Variants in SNX29 observed in about 807,000 individuals in gnomAD.
The protein encoded by SNX29 is sorting nexin-29.
In SNX29, 78 loss-of-function variants were observed where a neutral mutation model predicts 102.1. The ratio of observed to expected loss-of-function variants is 0.76; its 90% CI spans 0.64 to 0.92. The LOEUF (loss-of-function observed/expected upper bound fraction) is 0.92. Ranked by LOEUF, SNX29 falls within the 40% of genes least tolerant of loss-of-function variation. The probability of loss-of-function intolerance (pLI) is 0.00; values close to 1 mark genes in which losing one functional copy is unlikely to be tolerated. For missense variants in SNX29, 1,280 were observed against 1,061.7 expected, an observed-to-expected ratio of 1.21 and a Z score of -2.86; for synonymous variants, 580 against 414.5, an observed-to-expected ratio of 1.40 and a Z score of -4.85.
chr16:12,471,727 A>G (rs1326648360), intron 18 of SNX29, among the ~76,000 whole-genome samples: 1 of 152,264 alleles, frequency 6.6e-6, no homozygotes. Flanking sequence ...CAGGATTAAC[A>G]TAAAATACAA....
At chr16:12,369,924 T>A (rs1161049276) in intron 16 of SNX29, among the ~76,000 whole-genome samples, 2 of 152,174 alleles carry the variant, frequency 1.3e-5, no homozygotes, top group African/African-American at 4.8e-5. Context: ...TTTGAAAAAA[T>A]CTTTCTTTGA....
At chr16:12,492,393 T>G (rs2088596314) in intron 19 of SNX29, among the ~76,000 whole-genome samples, 1 of 152,244 alleles carries the variant, frequency 6.6e-6, no homozygotes, top group South Asian at 2.1e-4. Context: ...TTTTTTCTTG[T>G]AAATTTGTTT....
chr16:12,380,971 C>T (rs2083096573), intron 16 of SNX29, among the ~76,000 whole-genome samples: 1 of 109,122 alleles, frequency 9.2e-6, no homozygotes, highest in Non-Finnish European at 1.9e-5. Flanking sequence ...CAATTTCATC[C>T]ACCCACCATC....
intron 14 of SNX29, among the ~76,000 whole-genome samples, chr16:12,230,227 C>G (rs2077729158): frequency 6.6e-6 from 1 of 152,242 alleles, no homozygotes; most frequent in Non-Finnish European, 1.5e-5. Flanking sequence ...GCTTCTGAAG[C>G]TGGTCCTTGG....
At position 12,571,354 on chromosome 16, in the gene SNX29, A is replaced by T. The variant is rs906972724; in HGVS notation, c.*2725A>T. On this transcript the variant is annotated 3_prime_UTR_variant, in exon 21 of 21. Coordinates refer to ENST00000566228, the MANE Select transcript of SNX29 (RefSeq NM_032167.5). ...ATTCAATTCTGAGGGCTAAGCCACGACCTTATCCATGAGTGGCGAAGACAC... is the reference window on the plus strand; with the variant it reads ...ATTCAATTCTGAGGGCTAAGCCACGTCCTTATCCATGAGTGGCGAAGACAC... The T allele has an allele frequency of 4.3e-6, 1 of 231,374 alleles. No individual in the cohort carries two copies. Among genetic ancestry groups the T allele is most frequent in the South Asian group, 1.8e-4 (1 of 5,522 alleles). 14.3% of individuals were successfully genotyped at this position (231,374 alleles called of 1,614,324 possible).
At chr16:12,355,261 C>T (rs1445149062) in intron 15 of SNX29, among the ~76,000 whole-genome samples, 1 of 152,198 alleles carries the variant, frequency 6.6e-6, no homozygotes, top group Admixed American at 6.5e-5. Context: ...TTTTATTCCT[C>T]CTCAGATACG....
At chr16:12,011,595 A>G (rs1377196155) in intron 3 of SNX29, among the ~76,000 whole-genome samples, 2 of 152,020 alleles carry the variant, frequency 1.3e-5, no homozygotes, top group East Asian at 3.9e-4. Context: ...TTTTATATCT[A>G]AATTTAAATT....
intron 1 of SNX29, among the ~76,000 whole-genome samples, chr16:11,998,152 AGTT>A (rs912785451): frequency 6.6e-6 from 1 of 152,246 alleles, no homozygotes; most frequent in African/African-American, 2.4e-5. Flanking sequence ...GCCCACGTAG[AGTT>A]GCCCAAGACA....
At chr16:12,256,827 A>T (rs978534132) in intron 14 of SNX29, among the ~76,000 whole-genome samples, 2 of 152,196 alleles carry the variant, frequency 1.3e-5, no homozygotes, top group Non-Finnish European at 2.9e-5. Flanking sequence ...TTAGTTCCAC[A>T]TGCTCACAAC....
chr16:12,558,547 A>G (rs2078517984), intron 20 of SNX29, among the ~76,000 whole-genome samples: 1 of 152,214 alleles, frequency 6.6e-6, no homozygotes, highest in South Asian at 2.1e-4. Flanking sequence ...CCACAGTGCC[A>G]TGCCTCTCAG....
At chr16:12,327,546 G>T (rs78014002) in intron 15 of SNX29, among the ~76,000 whole-genome samples, 5 of 152,252 alleles carry the variant, frequency 3.3e-5, no homozygotes, top group Non-Finnish European at 7.4e-5. Flanking sequence ...ATTAACAGTC[G>T]TGTTGGGTTA....
intron 17 of SNX29, among the ~76,000 whole-genome samples, chr16:12,400,309 C>T (rs2083889622): frequency 6.6e-6 from 1 of 152,334 alleles, no homozygotes; most frequent in African/African-American, 2.4e-5. Flanking sequence ...ACTTGGTCCT[C>T]TCCCTTTAGG....
intron 18 of SNX29, among the ~76,000 whole-genome samples, chr16:12,442,687 C>CTCAAGTCCAGGA (rs1215336434): frequency 1.3e-5 from 2 of 151,884 alleles, no homozygotes; most frequent in Non-Finnish European, 2.9e-5. Flanking sequence ...ACCACCTGGA[C>CTCAAGTCCAGGA]TCAAGTGATC....
At chr16:12,432,427 G>A (rs998723409) in intron 18 of SNX29, among the ~76,000 whole-genome samples, 2 of 152,198 alleles carry the variant, frequency 1.3e-5, no homozygotes, top group Non-Finnish European at 2.9e-5. Context: ...CAGGGTTTGG[G>A]CACTTAGCCC....
At chr16:12,472,727 C>A (rs2087418367) in intron 18 of SNX29, among the ~76,000 whole-genome samples, 1 of 152,024 alleles carries the variant, frequency 6.6e-6, no homozygotes, top group Non-Finnish European at 1.5e-5. Context: ...GTTTTGGATT[C>A]TGTTCATTGA....
intron 14 of SNX29, among the ~76,000 whole-genome samples, chr16:12,216,916 G>C (rs566502903): frequency 7.2e-5 from 11 of 152,342 alleles, no homozygotes; most frequent in African/African-American, 2.6e-4. Context: ...TGCAAGGGAT[G>C]CTGGGAAACA....
At chr16:12,550,537 A>G (rs2077907119) in intron 20 of SNX29, among the ~76,000 whole-genome samples, 1 of 152,054 alleles carries the variant, frequency 6.6e-6, no homozygotes, top group African/African-American at 2.4e-5. Flanking sequence ...TCTACAAAAA[A>G]AAAAAAAAAA....
At chr16:12,506,459 A>G (rs2089383838) in intron 19 of SNX29, among the ~76,000 whole-genome samples, 1 of 152,234 alleles carries the variant, frequency 6.6e-6, no homozygotes. Context: ...AAGGGGATGT[A>G]TGCTGGACAG....
intron 10 of SNX29, 30 bp downstream of exon 10, chr16:12,069,162 G>A (rs377438454): frequency 1.9e-4 from 305 of 1,576,408 alleles, no homozygotes; most frequent in African/African-American, 4.2e-4. Flanking sequence ...GTTGCCTGTG[G>A]CATTAAAACA....
Sources: gnomAD v4.1 joint callset for allele counts (sites outside exome capture counted in the v4.1 genomes callset) on GRCh38, gnomAD v4.1.1 for gene constraint, MANE v1.5 for transcripts, NCBI Gene and HGNC (gene_info 2026-07-23, HGNC 2026-07-21) for gene names.